Variants in GLS2 observed in about 807,000 individuals in gnomAD.
The protein encoded by GLS2 is glutaminase liver isoform, mitochondrial.
GLS2 carries 52 observed loss-of-function variants against 79.0 expected under a neutral mutation model. The observed-to-expected ratio is 0.66, with a 90% CI of 0.53 to 0.83. The LOEUF is 0.83. GLS2 is among the 40% of genes least tolerant of loss of function. The probability of loss-of-function intolerance (pLI) is 0.00; values close to 1 mark genes in which losing one functional copy is unlikely to be tolerated. For missense variants in GLS2, 561 were observed against 764.8 expected, an observed-to-expected ratio of 0.73 and a Z score of 3.14; for synonymous variants, 238 against 280.8, an observed-to-expected ratio of 0.85 and a Z score of 1.52.
chr12:56,484,216 G>A (rs1022331774), intron 1 of GLS2, among the ~76,000 whole-genome samples: 4 of 152,168 alleles, frequency 2.6e-5, no homozygotes, highest in African/African-American at 7.2e-5. Flanking sequence ...GTTGCAGTGA[G>A]CTGAGATTAC....
intron 1 of GLS2, among the ~76,000 whole-genome samples, chr12:56,481,157 G>T (rs1214434668): frequency 8.9e-5 from 12 of 135,402 alleles, no homozygotes; most frequent in African/African-American, 3.0e-4. Context: ...ACAGAGTTTT[G>T]CTCTTGTTGC....
At position 56,475,972 on chromosome 12, in the gene GLS2, G is replaced by T; in HGVS notation, c.843C>A (p.Asp281Glu). Residue 281 changes from aspartate to glutamate, a missense_variant, in exon 8 of 18, where the codon GAC becomes GAA. Asp to Glu is a conservative substitution (Grantham distance 45, BLOSUM62 2). Around this residue, in one of 4 missense-constraint regions of GLS2, gnomAD observed 221 missense variants for 275.6 expected, o/e 0.80. Transcript: ENST00000311966. ...AATCAAACTTCTCTGCTTTGTTACAGTCCATCTGCAGAGAAAGAGAGAGAT... is the reference window on the plus strand; with the variant it reads ...AATCAAACTTCTCTGCTTTGTTACATTCCATCTGCAGAGAAAGAGAGAGAT... ...AIVVSSLIKM[D>E]CNKAEKFDFV... is the part of the protein sequence containing the mutation. 1 of 1,613,398 alleles carries T rather than the reference G, an allele frequency of 6.2e-7. No homozygotes were observed.
chr12:56,479,578 A>G (rs922393008), intron 3 of GLS2: 6 of 572,912 alleles, frequency 1.0e-5, no homozygotes, highest in Non-Finnish European at 1.6e-5. Flanking sequence ...GAGGACAGGG[A>G]TTGAGTAGGG....
At chr12:56,479,739 C>G in intron 3 of GLS2, 41 bp downstream of exon 3, 2 of 1,562,404 alleles carry the variant, frequency 1.3e-6, no homozygotes. Flanking sequence ...GTCCACAGGA[C>G]AGTTTTCAGA....
At chr12:56,481,471 G>C (rs1870293233) in intron 1 of GLS2, among the ~76,000 whole-genome samples, 1 of 150,298 alleles carries the variant, frequency 6.7e-6, no homozygotes, top group African/African-American at 2.4e-5. Flanking sequence ...CTCCCAAAGT[G>C]CTGGGATTAC....
Position 56,479,379 on chromosome 12 carries a change from G to C in GLS2, c.405-198C>G, listed in dbSNP as rs189100273. ...TAAAATGAGGGGTTTTAATGATGTG[G>C]AAAGACACTATGTCTTGGGATATGA... On this transcript the variant is annotated intron_variant, in intron 3 of 17. Transcript: ENST00000311966. 1.5e-4 allele frequency: 85 copies of C among 573,708 alleles called. No homozygotes were observed. The African/African-American group carries it at 1.5e-3, about 10-fold the overall frequency. The allele number at this position is 573,708 out of a possible 1,614,324, so 35.5% of individuals were successfully genotyped here.
At chr12:56,483,477 C>G (rs1057222503) in intron 1 of GLS2, among the ~76,000 whole-genome samples, 2 of 151,788 alleles carry the variant, frequency 1.3e-5, no homozygotes, top group Non-Finnish European at 2.9e-5. Flanking sequence ...CAATATTATG[C>G]AGTGTAAAAA....
At chr12:56,471,901 A>G in intron 16 of GLS2, 65 bp from the exon 17 acceptor site, 31 of 1,524,498 alleles carry the variant, frequency 2.0e-5, no homozygotes, top group Non-Finnish European at 2.8e-5. Context: ...GCAGACACTT[A>G]GCCACTGAAG....
intron 2 of GLS2, 79 bp from the exon 3 acceptor site, chr12:56,479,980 C>A: frequency 6.5e-7 from 1 of 1,542,594 alleles, no homozygotes; most frequent in Non-Finnish European, 8.8e-7. Context: ...CACTGGATAC[C>A]CAATTAGCTG....
Position 56,473,248 on chromosome 12 carries a change from G to A in GLS2, c.1429C>T (p.Arg477Cys), listed in dbSNP as rs779429545. Reference protein sequence around the residue: ...RHCARKLDPRREGAEIRNKTV... With the variant: ...RHCARKLDPRCEGAEIRNKTV... ...CTTACCCGAATTTCTGCCCCTTCACGCCGTGGGTCTAACTTCCGAGCACAG... is the reference window on the plus strand; with the variant it reads ...CTTACCCGAATTTCTGCCCCTTCACACCGTGGGTCTAACTTCCGAGCACAG... Residue 477 changes from arginine (R) to cysteine (C), a missense_variant, in exon 14 of 18, where the codon CGT (arginine) becomes TGT (cysteine). By Grantham distance (180) the Arg-to-Cys change is radical (BLOSUM62 -3). This residue lies in a region of GLS2 where 136 missense variants were observed against 228.6 expected (regional missense o/e 0.59). Transcript: ENST00000311966. 1.1e-5 allele frequency: 18 copies of A among 1,613,904 alleles called. No homozygotes were observed. The highest frequency in any genetic ancestry group is 2.7e-5 in the African/African-American group (2 of 74,852).
At chr12:56,472,240 G>T in intron 15 of GLS2, 45 bp from the exon 16 acceptor site, 2 of 1,555,510 alleles carry the variant, frequency 1.3e-6, no homozygotes, top group Non-Finnish European at 8.9e-7. Context: ...GATCAGACTG[G>T]AATCACAGGT....
chr12:56,486,014 C>CA (rs11414489), intron 1 of GLS2, among the ~76,000 whole-genome samples: 57,215 of 93,638 alleles, frequency 0.61, 19,253 homozygotes, highest in East Asian at 0.73. Flanking sequence ...ACTCTGTCTC[C>CA]AAAAAAAAAA....
chr12:56,475,583 C>A, intron 9 of GLS2, 41 bp downstream of exon 9: 1 of 1,595,466 alleles, frequency 6.3e-7, no homozygotes, highest in Non-Finnish European at 8.6e-7. Flanking sequence ...CACACACATA[C>A]ACCACAATGC....
intron 14 of GLS2, 140 bp from the exon 15 acceptor site, chr12:56,472,891 T>TC: frequency 1.4e-6 from 1 of 698,014 alleles, no homozygotes; most frequent in South Asian, 1.9e-5. Context: ...TATTCTTTTT[T>TC]TTTTTTTTTT....
Position 56,478,065 on chromosome 12 carries a change from AGAAGGGGAT to A in GLS2, c.637_645del (p.Ile213_Phe215del), listed in dbSNP as rs1222286932. 2 of 1,614,230 alleles carry A rather than the reference AGAAGGGGAT, an allele frequency of 1.2e-6. No individual in the cohort carries two copies. The highest frequency in any genetic ancestry group is 1.7e-6 in the Non-Finnish European group (2 of 1,180,026). On this transcript the variant is annotated inframe_deletion, in exon 6 of 18. Transcript: ENST00000311966. ...AGGGGCTTCACACAGGACTGCAGGC[AGAAGGGGAT>A]CTTTGTGTGGCCCACAGAGTGCCTG...
At chr12:56,481,397 G>A (rs1160508623) in intron 1 of GLS2, among the ~76,000 whole-genome samples, 3 of 150,290 alleles carry the variant, frequency 2.0e-5, no homozygotes, top group Non-Finnish European at 3.0e-5. Flanking sequence ...TAGTAGAGAC[G>A]GGGTTTCACC....
In GLS2 at chr12:56,473,597, G is replaced by A. The variant is rs1013361734; in HGVS notation, c.1225-3C>T. On this transcript the variant is annotated splice_region_variant and splice_polypyrimidine_tract_variant and intron_variant, in intron 12 of 17. Transcript: ENST00000311966. ...GCTGACTTGGCTGGCAGGCCCACCT[G>A]GGGAACAGAACTGAAGCTGAGGATA... The A allele has an allele frequency of 1.2e-6, 2 of 1,609,082 alleles. No homozygotes were observed. Among genetic ancestry groups the A allele is most frequent in the Admixed American group, 1.7e-5 (1 of 59,556 alleles).
intron 1 of GLS2, among the ~76,000 whole-genome samples, chr12:56,485,418 G>A (rs541275527): frequency 6.6e-6 from 1 of 151,722 alleles, no homozygotes; most frequent in East Asian, 1.9e-4. Flanking sequence ...CACCATGCCT[G>A]GTTAATTTCT....
Position 56,471,850 on chromosome 12 carries a change from C to T in GLS2, c.1589-14G>A, listed in dbSNP as rs1488875601. ...CTTCGATGTGTCCTAGGAATATGGG[C>T]AGAAGGAAAATGAGAAGGCGCAGGT... On this transcript the variant is annotated splice_polypyrimidine_tract_variant and intron_variant, in intron 16 of 17. Transcript: ENST00000311966. The T allele has an allele frequency of 6.2e-7, 1 of 1,613,292 alleles. No homozygotes were observed. The highest frequency in any genetic ancestry group is 8.5e-7 in the Non-Finnish European group (1 of 1,179,698).
Sources: gnomAD v4.1 joint callset for allele counts (sites outside exome capture counted in the v4.1 genomes callset) on GRCh38, gnomAD v4.1.1 for gene constraint, gnomAD v4.1.1 regional missense constraint, MANE v1.5 for transcripts, NCBI Gene and HGNC (gene_info 2026-07-23, HGNC 2026-07-21) for gene names.